Variants in DSTN observed in about 807,000 individuals in gnomAD.
DSTN encodes the protein destrin.
A neutral mutation model predicts 16.8 loss-of-function variants in DSTN; 10 were observed. That is an observed-to-expected ratio of 0.60 (90% CI 0.37 to 1.01). The LOEUF is 1.01. Among genes scored for constraint, DSTN ranks in the 50% least tolerant of loss-of-function variants. DSTN has a pLI of 0.01. For missense variants in DSTN, 141 were observed against 196.7 expected (o/e 0.72, Z 1.69); for synonymous variants, 57 against 58.9 (o/e 0.97, Z 0.14).
chr20:17,587,817 A>G (rs981499818), intron 1 of DSTN, among the ~76,000 whole-genome samples: 7 of 152,184 alleles, frequency 4.6e-5, no homozygotes, highest in African/African-American at 1.7e-4. Context: ...CAGACATACT[A>G]CTTTGGTATT....
intron 1 of DSTN, among the ~76,000 whole-genome samples, chr20:17,597,528 C>T (rs375657951): frequency 2.0e-5 from 3 of 152,296 alleles, no homozygotes; most frequent in African/African-American, 7.2e-5. Flanking sequence ...TGGATGGTAG[C>T]AGTGAAGCCA....
chr20:17,570,934 T>G (rs2035197803), intron 1 of DSTN, among the ~76,000 whole-genome samples: 1 of 152,178 alleles, frequency 6.6e-6, no homozygotes, highest in Admixed American at 6.5e-5. Context: ...TTTTCTGACC[T>G]GTAGACAGTT....
Position 17,570,154 on chromosome 20 carries a change from A to G in DSTN, c.-55A>G, listed in dbSNP as rs1230371543. The G allele has an allele frequency of 1.8e-5, 27 of 1,516,904 alleles. No homozygotes were observed. Among genetic ancestry groups the G allele is most frequent in the Admixed American group, 2.0e-5 (1 of 49,394 alleles). The allele number at this position is 1,516,904 out of a possible 1,614,324, so 94.0% of individuals were successfully genotyped here. On this transcript the variant is annotated 5_prime_UTR_variant, in exon 1 of 4. Coordinates refer to ENST00000246069, the MANE Select transcript of DSTN (RefSeq NM_006870.4). ...CGCAGCCGTGAGGAGGACGGTCTGC[A>G]TACTCGCTGCCCGCCGGCTCCCTCC...
At chr20:17,591,291 C>T (rs1022201586) in intron 1 of DSTN, among the ~76,000 whole-genome samples, 1 of 151,048 alleles carries the variant, frequency 6.6e-6, no homozygotes, top group Admixed American at 6.6e-5. Context: ...AAAATTAATA[C>T]AAGAACTCTC....
intron 1 of DSTN, among the ~76,000 whole-genome samples, chr20:17,589,670 T>G (rs1333994743): frequency 6.6e-6 from 1 of 152,264 alleles, no homozygotes; most frequent in African/African-American, 2.4e-5. Context: ...TTAGTCATTC[T>G]GTTTCTATTG....
intron 1 of DSTN, chr20:17,596,746 G>GA (rs1428599105): frequency 1.2e-5 from 12 of 985,082 alleles, no homozygotes; most frequent in Non-Finnish European, 1.1e-5. Flanking sequence ...ACTTCTGATA[G>GA]AAAAAAAGAC....
intron 1 of DSTN, among the ~76,000 whole-genome samples, chr20:17,574,233 A>T (rs1336984069): frequency 6.6e-6 from 1 of 152,130 alleles, no homozygotes; most frequent in Non-Finnish European, 1.5e-5. Context: ...TCAATACCAG[A>T]ACCTCATACT....
chr20:17,578,961 C>CAAAAAAAAAAAAAAAAAAAACAAAAAA (rs59600009), intron 1 of DSTN, among the ~76,000 whole-genome samples: 1 of 81,412 alleles, frequency 1.2e-5, no homozygotes, highest in African/African-American at 4.6e-5. Flanking sequence ...AATTCCATCT[C>CAAAAAAAAAAAAAAAAAAAACAAAAAA]AAAAAAAAAA....
At chr20:17,574,870 GTTTTTTTTTTTTT>G (rs533880691) in intron 1 of DSTN, among the ~76,000 whole-genome samples, 9 of 81,160 alleles carry the variant, frequency 1.1e-4, no homozygotes, top group Non-Finnish European at 1.1e-4. Flanking sequence ...CTTTTCTTTT[GTTTTTTTTTTTTT>G]TTTTTTTTTG....
At chr20:17,582,587 A>G (rs138873261) in intron 1 of DSTN, among the ~76,000 whole-genome samples, 121 of 152,352 alleles carry the variant, frequency 7.9e-4, no homozygotes, top group African/African-American at 2.8e-3. Context: ...GAGTGCCAGG[A>G]TAATTCAGTT....
chr20:17,592,112 A>G (rs6136143), intron 1 of DSTN: 608,394 of 984,730 alleles, frequency 0.62, 197,456 homozygotes, highest in Non-Finnish European at 0.66. Context: ...GTTTTACTGT[A>G]TAAAAATCAT....
intron 1 of DSTN, among the ~76,000 whole-genome samples, chr20:17,579,882 G>A (rs2035324075): frequency 6.6e-6 from 1 of 152,236 alleles, no homozygotes; most frequent in Non-Finnish European, 1.5e-5. Context: ...AATGCATGGA[G>A]AGCTTGCTGC....
intron 2 of DSTN, among the ~76,000 whole-genome samples, chr20:17,603,259 G>T (rs966164507): frequency 1.3e-5 from 2 of 152,130 alleles, no homozygotes; most frequent in Non-Finnish European, 1.5e-5. Flanking sequence ...GCAGCTAAAT[G>T]GAATTATTAA....
At chr20:17,585,112 T>C (rs1296174282) in intron 1 of DSTN, among the ~76,000 whole-genome samples, 4 of 152,200 alleles carry the variant, frequency 2.6e-5, no homozygotes. Flanking sequence ...CTAAAAGATA[T>C]TAATGAGTAA....
intron 1 of DSTN, chr20:17,596,568 GT>G: frequency 1.0e-6 from 1 of 967,084 alleles, no homozygotes; most frequent in Non-Finnish European, 1.2e-6. Flanking sequence ...GAATTTTTCT[GT>G]TTTTAACCTC....
At chr20:17,578,543 G>A (rs1429487369) in intron 1 of DSTN, among the ~76,000 whole-genome samples, 1 of 152,134 alleles carries the variant, frequency 6.6e-6, no homozygotes, top group Non-Finnish European at 1.5e-5. Flanking sequence ...AAGTGATTGT[G>A]GCATATTGAA....
At chr20:17,581,814 A>T (rs556642866) in intron 1 of DSTN, among the ~76,000 whole-genome samples, 45 of 152,334 alleles carry the variant, frequency 3.0e-4, no homozygotes, top group Admixed American at 2.5e-3. Flanking sequence ...AAGTTTTATA[A>T]ATCTTTAAAA....
At chr20:17,574,923 G>A (rs796849947) in intron 1 of DSTN, among the ~76,000 whole-genome samples, 1 of 125,726 alleles carries the variant, frequency 8.0e-6, no homozygotes, top group African/African-American at 3.2e-5. Context: ...CACCCAGGCT[G>A]GAGCTCAACT....
chr20:17,607,374 GTTGA>G lies in DSTN; in HGVS notation c.*231_*234del. ...ATTGGCCAAATGCCTGTTTTGATGAGTTGATTTATAAAGATTTTTGTTAAGCTCA... is the reference window on the plus strand; with the variant it reads ...ATTGGCCAAATGCCTGTTTTGATGAGTTTATAAAGATTTTTGTTAAGCTCA... On this transcript the variant is annotated 3_prime_UTR_variant, in exon 4 of 4. Coordinates refer to ENST00000246069, the MANE Select transcript of DSTN (RefSeq NM_006870.4). 1 of 410,064 alleles carries G rather than the reference GTTGA, an allele frequency of 2.4e-6. No individual in the cohort carries two copies. Among genetic ancestry groups the G allele is most frequent in the East Asian group, 3.8e-5 (1 of 26,646 alleles). The allele number at this position is 410,064 out of a possible 1,614,324, so 25.4% of individuals were successfully genotyped here. A position where few individuals can be genotyped will look rare whatever the true frequency, so the allele number is the denominator to read the frequency against.
Sources: allele counts gnomAD v4.1 joint callset (sites outside exome capture counted in the v4.1 genomes callset), GRCh38; gene constraint gnomAD v4.1.1; transcripts MANE v1.5; gene names NCBI Gene and HGNC (gene_info 2026-07-23, HGNC 2026-07-21).